IZUMO3: variants seen among roughly 807,000 people sequenced by gnomAD.
The protein encoded by IZUMO3 is izumo sperm-egg fusion protein 3.
A neutral mutation model predicts 28.4 loss-of-function variants in IZUMO3; 36 were observed. The ratio of observed to expected loss-of-function variants is 1.27; its 90% CI spans 0.97 to 1.67. The LOEUF (loss-of-function observed/expected upper bound fraction) is 1.67. IZUMO3 is among the 40% of genes most tolerant of loss of function. The probability of loss-of-function intolerance (pLI) is 0.00; values close to 1 mark genes in which losing one functional copy is unlikely to be tolerated. For missense variants in IZUMO3, 387 were observed against 278.5 expected (o/e 1.39, Z -2.77); for synonymous variants, 126 against 99.2 (o/e 1.27, Z -1.61).
rs1486194633 is a variant in IZUMO3, at chr9:24,543,737, C to T, written c.508G>A (p.Ala170Thr). Residue 170 changes from alanine to threonine, a missense_variant, in exon 6 of 7, where the codon GCT (alanine) becomes ACT (threonine). Ala to Thr is a moderately conservative substitution (Grantham distance 58, BLOSUM62 0). Transcript: ENST00000543880. ...EYCGDEDPRK[A>T]ENREIALFLI... ...AATAGAGCAATCTCTCGATTCTCAG[C>T]CTTTCTTGGATCCTCGTCTGGAAGG... The T allele has an allele frequency of 7.1e-6, 11 of 1,548,626 alleles. No homozygotes were observed. The highest frequency in any genetic ancestry group is 5.2e-6 in the Non-Finnish European group (6 of 1,145,558).
In IZUMO3 at chr9:24,543,761, G is replaced by C. The variant is rs1413840927; in HGVS notation, c.491-7C>G. 2.6e-6 allele frequency: 4 copies of C among 1,518,306 alleles called. No individual in the cohort carries two copies. The East Asian group carries it at 7.4e-5, about 28-fold the overall frequency. The allele number at this position is 1,518,306 out of a possible 1,614,324, so 94.1% of individuals were successfully genotyped here. On this transcript the variant is annotated splice_region_variant and splice_polypyrimidine_tract_variant and intron_variant, in intron 5 of 6. Transcript: ENST00000543880. ...GCCTTTCTTGGATCCTCGTCTGGAA[G>C]GAGAAACAGGAAAATATGAAAGTGA...
Position 24,545,805 on chromosome 9 carries a change from T to C in IZUMO3, c.-156A>G. On this transcript the variant is annotated 5_prime_UTR_variant, in exon 1 of 7. Coordinates refer to ENST00000543880, the MANE Select transcript of IZUMO3 (RefSeq NM_001365008.2). ...CATCCCACTATCGGGCAATCTTTAGTTGTTTAGTTTAATGATCTTTAGTTG... is the reference window on the plus strand; with the variant it reads ...CATCCCACTATCGGGCAATCTTTAGCTGTTTAGTTTAATGATCTTTAGTTG... 1 of 1,543,716 alleles carries C rather than the reference T, an allele frequency of 6.5e-7. No homozygotes were observed. The highest frequency in any genetic ancestry group is 8.7e-7 in the Non-Finnish European group (1 of 1,144,280).
At position 24,543,193 on chromosome 9, in the gene IZUMO3, A is replaced by T; in HGVS notation, c.*36T>A. On this transcript the variant is annotated 3_prime_UTR_variant, in exon 7 of 7. Coordinates refer to ENST00000543880, the MANE Select transcript of IZUMO3 (RefSeq NM_001365008.2). ...TTTGTACTTAGAGTCAACACTTAAG[A>T]GAATCATGAAAGACTTCTTGTCCAT... 1 of 1,509,724 alleles carries T rather than the reference A, an allele frequency of 6.6e-7. No homozygotes were observed. Among genetic ancestry groups the T allele is most frequent in the Non-Finnish European group, 8.9e-7 (1 of 1,125,228 alleles). The allele number at this position is 1,509,724 out of a possible 1,614,324, so 93.5% of individuals were successfully genotyped here. A position where few individuals can be genotyped will look rare whatever the true frequency, so the allele number is the denominator to read the frequency against.
In IZUMO3 at chr9:24,544,289, AGAG is replaced by A. The variant is rs1465352160; in HGVS notation, c.410-11_410-9del. The A allele has an allele frequency of 1.1e-5, 17 of 1,543,182 alleles. No homozygotes were observed. The highest frequency in any genetic ancestry group is 1.5e-5 in the Non-Finnish European group (17 of 1,140,222). The stretch of plus-strand genomic sequence containing the variant: ...TGGGACCTTCAACCACAACTGATAA[AGAG>A]GAGAAGAAAGATAATCAGAAAGAGG... On this transcript the variant is annotated splice_polypyrimidine_tract_variant and intron_variant, in intron 4 of 6. Coordinates refer to ENST00000543880, the MANE Select transcript of IZUMO3 (RefSeq NM_001365008.2).
At chr9:24,544,927 C>T (rs577395518) in intron 3 of IZUMO3, 45 bp downstream of exon 3, 2 of 1,416,868 alleles carry the variant, frequency 1.4e-6, no homozygotes, top group African/African-American at 1.4e-5. Context: ...ATTTTCTATT[C>T]CCTTCATATA....
In IZUMO3 at chr9:24,543,674, C is replaced by A. The variant is rs1047643580; in HGVS notation, c.571G>T (p.Ala191Ser). Residue 191 changes from alanine (A) to serine (S), a missense_variant, in exon 6 of 7, where the codon GCT becomes TCT. Physicochemically the swap from Ala to Ser is moderately conservative, Grantham distance 99. Transcript: ENST00000543880. ...AGAGAAGAAACTCACAGTAACACAG[C>A]ACTTCCCAGTATTACAGCTGTTGCC... ...LLATAVILGSAVLLFHFCIFH... is the reference protein window; with the variant it reads ...LLATAVILGSSVLLFHFCIFH... 6.5e-7 allele frequency: 1 copy of A among 1,543,848 alleles called. No homozygotes were observed. Among genetic ancestry groups the A allele is most frequent in the East Asian group, 2.4e-5 (1 of 40,858 alleles).
chr9:24,545,745 T>G lies in IZUMO3; in HGVS notation c.-96A>C. 6.5e-7 allele frequency: 1 copy of G among 1,533,450 alleles called. No individual in the cohort carries two copies. The highest frequency in any genetic ancestry group is 2.0e-5 in the Admixed American group (1 of 50,160). 95.0% of individuals were successfully genotyped at this position (1,533,450 alleles called of 1,614,324 possible). On this transcript the variant is annotated 5_prime_UTR_variant, in exon 1 of 7. Transcript: ENST00000543880. ...AAAAATCCGGGAATGAGAGCCTGGT[T>G]CTGGATAGTCTGACTCCACTTTTCC...
intron 5 of IZUMO3, 69 bp downstream of exon 5, chr9:24,544,132 A>G: frequency 2.8e-6 from 3 of 1,063,950 alleles, no homozygotes; most frequent in Non-Finnish European, 4.3e-6. Flanking sequence ...TACATGTAGA[A>G]TAAATCAGTG....
chr9:24,545,436 G>A lies in IZUMO3; in HGVS notation c.214C>T (p.Leu72Phe), dbSNP rs934092717. 3.9e-6 allele frequency: 6 copies of A among 1,539,126 alleles called. No homozygotes were observed. The highest frequency in any genetic ancestry group is 1.7e-4 in the Middle Eastern group (1 of 6,010). ...SFKVSHSDKR[L>F]RVLAVQQVVK... The stretch of plus-strand genomic sequence containing the variant: ...AAGCTTCCCTCACCCAACACCCGAA[G>A]CCTCTTGTCACTGTGGGAGACCTTG... Residue 72 changes from leucine to phenylalanine, a missense_variant, in exon 1 of 7, where the codon CTT becomes TTT. Transcript: ENST00000543880.
intron 6 of IZUMO3, 93 bp downstream of exon 6, chr9:24,543,571 G>T: frequency 2.1e-6 from 2 of 939,650 alleles, no homozygotes; most frequent in Non-Finnish European, 3.1e-6. Flanking sequence ...GACTTCTTTT[G>T]CTTTATTTCC....
intron 3 of IZUMO3, 99 bp from the exon 4 acceptor site, chr9:24,544,859 C>T: frequency 1.5e-6 from 2 of 1,337,102 alleles, no homozygotes; most frequent in Non-Finnish European, 2.1e-6. Context: ...GTTCCAGTTA[C>T]CTCTCCACCC....
rs1424451080 is a variant in IZUMO3 at position 24,545,853 on chromosome 9, T to C, written c.-204A>G. The C allele has an allele frequency of 6.5e-7, 1 of 1,530,154 alleles. No individual in the cohort carries two copies. The highest frequency in any genetic ancestry group is 2.5e-5 in the East Asian group (1 of 39,272). 94.8% of individuals were successfully genotyped at this position (1,530,154 alleles called of 1,614,324 possible). On this transcript the variant is annotated 5_prime_UTR_variant, in exon 1 of 7. Transcript: ENST00000543880. ...TTGTTTACTGACTATTATCCTTCAT[T>C]CTAGGAGAGGGAACTGCCAGCTGGG...
In IZUMO3 at chr9:24,545,792, G is replaced by T. The variant is rs986877482; in HGVS notation, c.-143C>A. 3.2e-6 allele frequency: 5 copies of T among 1,539,872 alleles called. No individual in the cohort carries two copies. The highest frequency in any genetic ancestry group is 3.5e-6 in the Non-Finnish European group (4 of 1,142,776). ...TTCCCGCTGTTTCCATCCCACTATCGGGCAATCTTTAGTTGTTTAGTTTAA... is the reference window on the plus strand; with the variant it reads ...TTCCCGCTGTTTCCATCCCACTATCTGGCAATCTTTAGTTGTTTAGTTTAA... On this transcript the variant is annotated 5_prime_UTR_variant, in exon 1 of 7. Coordinates refer to ENST00000543880, the MANE Select transcript of IZUMO3 (RefSeq NM_001365008.2).
chr9:24,543,662 A>G lies in IZUMO3; in HGVS notation c.581+2T>C. On this transcript the variant is annotated splice_donor_variant, in intron 6 of 6. Transcript: ENST00000543880. LOFTEE classifies it high-confidence loss of function. The stretch of plus-strand genomic sequence containing the variant: ...GTGTTTATTTGGAGAGAAGAAACTC[A>G]CAGTAACACAGCACTTCCCAGTATT... The G allele has an allele frequency of 6.5e-7, 1 of 1,536,388 alleles. No homozygotes were observed. Among genetic ancestry groups the G allele is most frequent in the Non-Finnish European group, 8.8e-7 (1 of 1,134,630 alleles).
At chr9:24,545,122 T>C in intron 2 of IZUMO3, 61 bp from the exon 3 acceptor site, 1 of 1,476,488 alleles carries the variant, frequency 6.8e-7, no homozygotes, top group Non-Finnish European at 9.3e-7. Flanking sequence ...AGAAGTTAAT[T>C]ATGTCTGTTT....
chr9:24,545,405 G>A lies in IZUMO3; in HGVS notation c.226+19C>T. The stretch of plus-strand genomic sequence containing the variant: ...TCCGTTTAAGCCCCTGGACTCTCAG[G>A]AACTCAAGCTTCCCTCACCCAACAC... On this transcript the variant is annotated intron_variant, in intron 1 of 6. Coordinates refer to ENST00000543880, the MANE Select transcript of IZUMO3 (RefSeq NM_001365008.2). 1 of 1,543,356 alleles carries A rather than the reference G, an allele frequency of 6.5e-7. No individual in the cohort carries two copies. Among genetic ancestry groups the A allele is most frequent in the Non-Finnish European group, 8.7e-7 (1 of 1,146,812 alleles).
Position 24,543,309 on chromosome 9 carries a change from C to A in IZUMO3, c.640G>T (p.Glu214Ter). ...TCTTCAAGTTTCTTCTCCACATATT[C>A]CTTTAGCGACCTTCGTATTGCCTTC... ...KMKAIRRSLKEYVEKKLEELM... is the reference protein window; with the variant it reads ...KMKAIRRSLK The change falls in exon 7 of 7, where the codon GAA becomes TAA. Residue 214 changes from glutamate (E) to a stop codon, truncating the protein, a stop_gained. Transcript: ENST00000543880. LOFTEE classifies it low-confidence loss of function (END_TRUNC). 6.5e-7 allele frequency: 1 copy of A among 1,548,724 alleles called. No homozygotes were observed. Among genetic ancestry groups the A allele is most frequent in the Non-Finnish European group, 8.7e-7 (1 of 1,145,868 alleles).
chr9:24,544,863 T>C (rs940472854), intron 3 of IZUMO3, 103 bp from the exon 4 acceptor site: 2 of 1,332,320 alleles, frequency 1.5e-6, no homozygotes, highest in Admixed American at 2.0e-5. Flanking sequence ...CAGTTACCTC[T>C]CCACCCATTC....
intron 1 of IZUMO3, 24 bp downstream of exon 1, chr9:24,545,400 C>G (rs1299638058): frequency 1.9e-6 from 3 of 1,544,034 alleles, no homozygotes; most frequent in Admixed American, 3.9e-5. Context: ...CCCCTGGACT[C>G]TCAGGAACTC....
Sources: gnomAD v4.1 joint callset for allele counts on GRCh38, gnomAD v4.1.1 for gene constraint, MANE v1.5 for transcripts, NCBI Gene and HGNC (gene_info 2026-07-23, HGNC 2026-07-21) for gene names.